Variants in TSEN2 observed in about 807,000 individuals in gnomAD.
TSEN2 encodes tRNA splicing endonuclease subunit 2.
A neutral mutation model predicts 59.2 loss-of-function variants in TSEN2; 54 were observed. The ratio of observed to expected loss-of-function variants is 0.91; its 90% CI spans 0.73 to 1.14. The LOEUF (loss-of-function observed/expected upper bound fraction) is 1.14. TSEN2 is among the 50% of genes most tolerant of loss of function. TSEN2 has a pLI of 0.00. For synonymous variants in TSEN2, 195 were observed against 198.2 expected, an observed-to-expected ratio of 0.98 and a Z score of 0.14; for missense variants, 636 against 576.2, an observed-to-expected ratio of 1.10 and a Z score of -1.06.
At chr3:12,525,286 A>G (rs567307954) in intron 8 of TSEN2, among the ~76,000 whole-genome samples, 1 of 152,154 alleles carries the variant, frequency 6.6e-6, no homozygotes, top group African/African-American at 2.4e-5. Context: ...GCCATTGTCA[A>G]TGTCTGTCAT....
chr3:12,519,573 T>A (rs1173037051), intron 8 of TSEN2, among the ~76,000 whole-genome samples: 3 of 152,036 alleles, frequency 2.0e-5, no homozygotes, highest in Non-Finnish European at 4.4e-5. Flanking sequence ...GTGAAACCCC[T>A]TCTCTACTAA....
downstream of TSEN2, among the ~76,000 whole-genome samples, chr3:12,538,397 G>A (rs1392422701): frequency 6.6e-6 from 1 of 152,148 alleles, no homozygotes; most frequent in Non-Finnish European, 1.5e-5. Context: ...TTGAGCAGTT[G>A]TCTTATTTAG....
intron 8 of TSEN2, among the ~76,000 whole-genome samples, chr3:12,519,669 C>T (rs1456154807): frequency 6.6e-6 from 1 of 152,064 alleles, no homozygotes; most frequent in African/African-American, 2.4e-5. Context: ...TGGCGTGAAC[C>T]CGGGAGGCAG....
chr3:12,490,093 T>C, intron 2 of TSEN2, 104 bp downstream of exon 2: 1 of 1,095,666 alleles, frequency 9.1e-7, no homozygotes, highest in Non-Finnish European at 1.4e-6. Context: ...CCATGAACAA[T>C]GTGTATTCTT....
chr3:12,514,054 T>G (rs562499483), intron 6 of TSEN2, among the ~76,000 whole-genome samples: 1 of 152,386 alleles, frequency 6.6e-6, no homozygotes, highest in South Asian at 2.1e-4. Flanking sequence ...AGGCAGTTTC[T>G]GTTCTGCCAG....
chr3:12,523,883 C>A (rs1367519997), intron 8 of TSEN2, among the ~76,000 whole-genome samples: 3 of 152,024 alleles, frequency 2.0e-5, no homozygotes, highest in Non-Finnish European at 4.4e-5. Context: ...TTTTTCTAGT[C>A]AAACTTTTGA....
At position 12,498,020 on chromosome 3, in the gene TSEN2, T is replaced by C. The variant is rs375310702; in HGVS notation, c.308+1466T>C. Among the ~76,000 whole-genome samples, 16 of 152,202 alleles carry C rather than the reference T, an allele frequency of 1.1e-4. 1 individual carries two copies. The highest frequency in any genetic ancestry group is 7.9e-4 in the Admixed American group (12 of 15,286). ...ACTCTAATCTCTGCCTCTGTGGTCA[T>C]GTGGCATTCTCCCTTGTGTGTTTCT... On this transcript the variant is annotated intron_variant, in intron 4 of 11. Coordinates refer to ENST00000284995, the MANE Select transcript of TSEN2 (RefSeq NM_025265.4).
intron 4 of TSEN2, among the ~76,000 whole-genome samples, chr3:12,500,970 C>A (rs17036850): frequency 0.025 from 3,740 of 152,244 alleles, 67 homozygotes; most frequent in South Asian, 0.06. Context: ...TTTTGAGTCA[C>A]GGAATTTGGC....
intron 10 of TSEN2, 173 bp from the exon 11 acceptor site, chr3:12,531,397 C>G (rs1261684265): frequency 3.3e-6 from 2 of 605,140 alleles, no homozygotes; most frequent in Non-Finnish European, 5.9e-6. Context: ...GGTACTTAGT[C>G]AGAACGTAAA....
intron 1 of TSEN2, among the ~76,000 whole-genome samples, chr3:12,485,152 T>C (rs1222545089): frequency 6.6e-6 from 1 of 152,110 alleles, no homozygotes; most frequent in Non-Finnish European, 1.5e-5. Flanking sequence ...GCCCAGGAGG[T>C]GCGCAGATGG....
chr3:12,486,189 A>C (rs1321784159), intron 1 of TSEN2, among the ~76,000 whole-genome samples: 1 of 152,232 alleles, frequency 6.6e-6, no homozygotes, highest in Non-Finnish European at 1.5e-5. Flanking sequence ...TGCCTCTGGC[A>C]TCTGGTACCT....
intron 8 of TSEN2, among the ~76,000 whole-genome samples, chr3:12,524,757 T>C (rs963579352): frequency 1.3e-5 from 2 of 150,910 alleles, no homozygotes; most frequent in South Asian, 4.2e-4. Flanking sequence ...TTTTTTTTTT[T>C]CTTGAAACAG....
rs79692336 is a variant in TSEN2 at position 12,532,638 on chromosome 3, G to T, written c.1339-24G>T. ...GTCTTACATTTCTGTTTTAAGAAAT[G>T]GTCTTTTTTTTTATTGGTTGTAGGA... On this transcript the variant is annotated intron_variant, in intron 11 of 11. Transcript: ENST00000284995. 0.014 allele frequency: 22,209 copies of T among 1,613,124 alleles called. 217 individuals are homozygous for T. The highest frequency in any genetic ancestry group is 0.039 in the Admixed American group (2,315 of 59,998).
At chr3:12,488,775 AAG>A (rs1183619875) in intron 1 of TSEN2, among the ~76,000 whole-genome samples, 11 of 152,218 alleles carry the variant, frequency 7.2e-5, no homozygotes, top group Non-Finnish European at 1.2e-4. Context: ...GATTTTGAGA[AAG>A]AGTCATCAGA....
intron 6 of TSEN2, among the ~76,000 whole-genome samples, chr3:12,516,270 CAA>C (rs2056066960): frequency 6.6e-6 from 1 of 151,948 alleles, no homozygotes. Flanking sequence ...GAAAAAAATA[CAA>C]AAAATTAGCC....
chr3:12,489,286 A>G (rs3888153), intron 1 of TSEN2, among the ~76,000 whole-genome samples: 9,841 of 152,214 alleles, frequency 0.065, 694 homozygotes, highest in African/African-American at 0.17. Flanking sequence ...GATTGACCCA[A>G]TGTTTAGTGT....
intron 5 of TSEN2, among the ~76,000 whole-genome samples, chr3:12,504,645 A>G (rs1402146754): frequency 1.3e-5 from 2 of 152,248 alleles, no homozygotes; most frequent in Non-Finnish European, 2.9e-5. Flanking sequence ...AACTGCAGGA[A>G]AAATTCACAG....
chr3:12,537,361 C>A (rs546060700), downstream of TSEN2, among the ~76,000 whole-genome samples: 46 of 150,504 alleles, frequency 3.1e-4, no homozygotes, highest in Non-Finnish European at 5.8e-4. Context: ...ATTGTGCCTC[C>A]GGAATCCAGC....
chr3:12,517,107 G>C (rs908192470), intron 7 of TSEN2, among the ~76,000 whole-genome samples: 1 of 152,140 alleles, frequency 6.6e-6, no homozygotes, highest in South Asian at 2.1e-4. Flanking sequence ...CAGCACACTG[G>C]GGGGCCGAGG....
Sources: allele counts gnomAD v4.1 joint callset (sites outside exome capture counted in the v4.1 genomes callset), GRCh38; gene constraint gnomAD v4.1.1; transcripts MANE v1.5; gene names NCBI Gene and HGNC (gene_info 2026-07-23, HGNC 2026-07-21).